DYSF: variants seen among roughly 807,000 people sequenced by gnomAD.
DYSF encodes dysferlin.
In DYSF, 212 loss-of-function variants were observed where a neutral mutation model predicts 274.9. The ratio of observed to expected loss-of-function variants is 0.77; its 90% confidence interval spans 0.69 to 0.86. DYSF has a LOEUF of 0.86. Ranked by LOEUF, DYSF falls within the 40% of genes least tolerant of loss-of-function variation. The pLI is 0.00. For missense variants in DYSF, 2,666 were observed against 2,783.2 expected (o/e 0.96, Z 0.95); for synonymous variants, 1,091 against 1,078.7 (o/e 1.01, Z -0.22).
intron 51 of DYSF, 21 bp from the exon 52 acceptor site, chr2:71,674,176 T>C (rs2095178945): frequency 6.2e-7 from 1 of 1,611,104 alleles, no homozygotes; most frequent in South Asian, 1.1e-5. Context: ...TGCATCCTTC[T>C]CTGTTCCTCT....
intron 1 of DYSF, among the ~76,000 whole-genome samples, chr2:71,455,182 T>C (rs928524131): frequency 6.6e-6 from 1 of 152,184 alleles, no homozygotes; most frequent in Non-Finnish European, 1.5e-5. Context: ...CTGGAGCGTG[T>C]GGGACACCTG....
At chr2:71,470,531 G>A (rs954815509) in intron 1 of DYSF, among the ~76,000 whole-genome samples, 4 of 151,588 alleles carry the variant, frequency 2.6e-5, no homozygotes, top group South Asian at 4.2e-4. Flanking sequence ...AAAATTAGCC[G>A]GGTGTGGTGG....
At chr2:71,624,695 T>C (rs2094175448) in intron 41 of DYSF, among the ~76,000 whole-genome samples, 1 of 152,102 alleles carries the variant, frequency 6.6e-6, no homozygotes, top group Admixed American at 6.6e-5. Context: ...ATTTAAAAGG[T>C]GGTGAAATTG....
intron 41 of DYSF, among the ~76,000 whole-genome samples, chr2:71,639,431 A>G (rs942864153): frequency 6.6e-6 from 1 of 152,206 alleles, no homozygotes; most frequent in African/African-American, 2.4e-5. Context: ...AACATGTACA[A>G]TTTTACCATT....
intron 43 of DYSF, among the ~76,000 whole-genome samples, chr2:71,658,280 A>G (rs1465133987): frequency 6.6e-6 from 1 of 152,150 alleles, no homozygotes; most frequent in African/African-American, 2.4e-5. Context: ...CTCAGCCTGG[A>G]TTTTATTGTC....
intron 30 of DYSF, among the ~76,000 whole-genome samples, chr2:71,584,060 C>A (rs1431967120): frequency 6.6e-6 from 1 of 152,196 alleles, no homozygotes; most frequent in African/African-American, 2.4e-5. Flanking sequence ...GGCCACAGAC[C>A]GTGTGGCTGC....
At chr2:71,682,797 C>T (rs1301188435) in intron 55 of DYSF, 120 bp downstream of exon 55, 12 of 1,413,544 alleles carry the variant, frequency 8.5e-6, no homozygotes, top group Admixed American at 2.0e-5. Flanking sequence ...CTTGGAGAGC[C>T]CCTGGTCTGA....
chr2:71,657,229 TC>T (rs2094791916), intron 43 of DYSF, among the ~76,000 whole-genome samples: 1 of 152,142 alleles, frequency 6.6e-6, no homozygotes, highest in Admixed American at 6.5e-5. Context: ...ATTTTAAAGC[TC>T]CAAAATGATC....
chr2:71,493,910 GA>G (rs548273148), intron 3 of DYSF, among the ~76,000 whole-genome samples: 162 of 140,210 alleles, frequency 1.2e-3, no homozygotes, highest in Middle Eastern at 3.8e-3. Context: ...TAGAGGAAAA[GA>G]GGAAAATAAT....
chr2:71,574,287 C>T lies in DYSF; in HGVS notation c.3318C>T (p.Ala1106=). ...ACCTCGAGTACCGCAAGACAGATGC[C>T]TTCCGCCGCCGCCGCTGGCGCCGTC... is the stretch of plus-strand genomic sequence containing the variant. ...KFHLEYRKTD[A]FRRRRWRRRM... is the part of the protein sequence containing the mutation. The change falls in exon 30 of 56, where the codon GCC becomes GCT. Residue 1106 remains alanine, a synonymous_variant. Transcript: ENST00000410020. 1.9e-6 allele frequency: 3 copies of T among 1,614,088 alleles called. No individual in the cohort carries two copies. Among genetic ancestry groups the T allele is most frequent in the Non-Finnish European group, 2.5e-6 (3 of 1,179,966 alleles).
intron 30 of DYSF, among the ~76,000 whole-genome samples, chr2:71,575,859 A>C (rs2092683050): frequency 6.6e-6 from 1 of 152,188 alleles, no homozygotes; most frequent in East Asian, 1.9e-4. Context: ...AGGTTCATAC[A>C]GTGTCCCCAG....
chr2:71,681,201 G>A (rs2095292357), intron 54 of DYSF, 91 bp downstream of exon 54: 1 of 1,261,494 alleles, frequency 7.9e-7, no homozygotes, highest in Non-Finnish European at 1.1e-6. Flanking sequence ...CCATGTAGAA[G>A]TCACAAAGCC....
intron 1 of DYSF, among the ~76,000 whole-genome samples, chr2:71,461,305 A>G (rs2081278046): frequency 6.6e-6 from 1 of 152,222 alleles, no homozygotes; most frequent in Non-Finnish European, 1.5e-5. Flanking sequence ...ACCCCAGGAT[A>G]TCAGGGACTG....
rs2093464638 is a variant in DYSF, at chr2:71,598,650, C to T, written c.3661C>T (p.Leu1221Phe). 6.2e-7 allele frequency: 1 copy of T among 1,614,084 alleles called. No homozygotes were observed. The highest frequency in any genetic ancestry group is 1.1e-5 in the South Asian group (1 of 91,096). The part of the protein sequence containing the change: ...NTLNPTWDQT[L>F]IFYEIEIFGE... ...CCTTAACCCCACCTGGGACCAGACG[C>T]TCATCTTCTACGAGATCGAGATCTT... The change falls in exon 33 of 56, where the codon CTC (leucine) becomes TTC (phenylalanine). Residue 1221 changes from leucine (L) to phenylalanine (F), a missense_variant. Coordinates refer to ENST00000410020, the MANE Select transcript of DYSF (RefSeq NM_001130987.2).
Position 71,570,819 on chromosome 2 carries a change from C to A in DYSF, c.3228+78C>A, listed in dbSNP as rs1482604969. 6.3e-6 allele frequency: 10 copies of A among 1,577,598 alleles called. No individual in the cohort carries two copies. In the African/African-American group the frequency reaches 1.3e-4, roughly 21 times the overall value. On this transcript the variant is annotated intron_variant, in intron 29 of 55. Coordinates refer to ENST00000410020, the MANE Select transcript of DYSF (RefSeq NM_001130987.2). ...TAGGCACAGATGCAGACCTGCATGC[C>A]CACAGACACATGCATGTGTGCACAC...
At chr2:71,498,271 C>T (rs146932209) in intron 3 of DYSF, among the ~76,000 whole-genome samples, 18 of 152,300 alleles carry the variant, frequency 1.2e-4, no homozygotes, top group Admixed American at 3.9e-4. Flanking sequence ...AGTGCTGAAA[C>T]AGCTGTTATG....
intron 4 of DYSF, among the ~76,000 whole-genome samples, chr2:71,509,122 C>T (rs1271481448): frequency 6.6e-6 from 1 of 152,110 alleles, no homozygotes; most frequent in Non-Finnish European, 1.5e-5. Flanking sequence ...TCCCAAAGTG[C>T]TGGGATTACA....
intron 30 of DYSF, among the ~76,000 whole-genome samples, chr2:71,585,705 C>A (rs1031697782): frequency 1.3e-5 from 2 of 152,140 alleles, no homozygotes; most frequent in African/African-American, 4.8e-5. Flanking sequence ...TGAGTTCACT[C>A]ACTTGTTCAC....
chr2:71,601,588 A>G, intron 35 of DYSF, 60 bp downstream of exon 35: 3 of 1,609,860 alleles, frequency 1.9e-6, no homozygotes, highest in Non-Finnish European at 2.6e-6. Context: ...TGTGTTTGGC[A>G]TCTCTCTGGG....
Sources: gnomAD v4.1 joint callset for allele counts (sites outside exome capture counted in the v4.1 genomes callset) on GRCh38, gnomAD v4.1.1 for gene constraint, MANE v1.5 for transcripts, NCBI Gene and HGNC (gene_info 2026-07-23, HGNC 2026-07-21) for gene names.